GPR137B: variants seen among roughly 807,000 people sequenced by gnomAD.
GPR137B encodes G protein-coupled receptor 137B, also known as integral membrane protein GPR137B.
GPR137B carries 42 observed loss-of-function variants against 42.5 expected under a neutral mutation model. The ratio of observed to expected loss-of-function variants is 0.99; its 90% confidence interval spans 0.77 to 1.28. The LOEUF is 1.28. Among genes scored for constraint, GPR137B ranks in the 50% most tolerant of loss-of-function variants. The pLI is 0.00. For synonymous variants in GPR137B, 218 were observed against 209.7 expected, an observed-to-expected ratio of 1.04 and a Z score of -0.34; for missense variants, 487 against 493.9, an observed-to-expected ratio of 0.99 and a Z score of 0.13.
In GPR137B at chr1:236,186,341, A is replaced by AT. The variant is rs1558491555; in HGVS notation, c.966+2437dup. On this transcript the variant is annotated intron_variant, in intron 5 of 6. Coordinates refer to ENST00000366592, the MANE Select transcript of GPR137B (RefSeq NM_003272.4). ...ATATAAATAATATATAATTATATAT[A>AT]TTATATAATATATATTATTAAGTTC... 4.6e-4 allele frequency among the ~76,000 whole-genome samples: 51 copies of AT among 109,698 alleles called. 1 individual carries two copies. The highest frequency in any genetic ancestry group is 1.8e-3 in the African/African-American group (49 of 27,218). 72.0% of individuals were successfully genotyped at this position (109,698 alleles called of 152,430 possible). A position where few individuals can be genotyped will look rare whatever the true frequency, so the allele number is the denominator to read the frequency against.
chr1:236,143,674 C>T (rs546168815), intron 1 of GPR137B, among the ~76,000 whole-genome samples: 1 of 152,286 alleles, frequency 6.6e-6, no homozygotes, highest in Middle Eastern at 3.4e-3. Flanking sequence ...ACTGTCTGAG[C>T]TCATCTGAGA....
intron 2 of GPR137B, among the ~76,000 whole-genome samples, chr1:236,178,181 C>T (rs947967243): frequency 6.6e-6 from 1 of 152,150 alleles, no homozygotes; most frequent in African/African-American, 2.4e-5. Flanking sequence ...GCTCTCAGTC[C>T]TCACAACATC....
chr1:236,181,170 G>A (rs1235324524), intron 4 of GPR137B, among the ~76,000 whole-genome samples: 1 of 152,144 alleles, frequency 6.6e-6, no homozygotes, highest in Admixed American at 6.5e-5. Context: ...CATGGCACTA[G>A]TTGTTGCAAT....
At position 236,206,777 on chromosome 1, in the gene GPR137B, A is replaced by G. The variant is rs1485978761; in HGVS notation, c.1092-1273A>G. ...AGCCTGCTGTGCTCAGCCATACTCC[A>G]CTACCCGATGACTATCATGTTTCCC... On this transcript the variant is annotated intron_variant, in intron 6 of 6. Transcript: ENST00000366592. 4.6e-5 allele frequency among the ~76,000 whole-genome samples: 7 copies of G among 152,068 alleles called. No homozygotes were observed. In the East Asian group the frequency reaches 1.3e-3, roughly 29 times the overall value.
intron 1 of GPR137B, among the ~76,000 whole-genome samples, chr1:236,158,665 A>G (rs1662101145): frequency 1.3e-5 from 2 of 152,150 alleles, no homozygotes. Context: ...GTGCACTAAG[A>G]GTTTCAGTCC....
intron 1 of GPR137B, among the ~76,000 whole-genome samples, chr1:236,152,787 G>A (rs1661907317): frequency 1.3e-5 from 2 of 152,058 alleles, no homozygotes; most frequent in African/African-American, 4.8e-5. Context: ...GCTAGGTGCA[G>A]TGGATCACGT....
rs1055261717 is a variant in GPR137B, at chr1:236,155,398, A to AG, written c.414+12365dup. Among the ~76,000 whole-genome samples, 1 of 152,238 alleles carries AG rather than the reference A, an allele frequency of 6.6e-6. No homozygotes were observed. The highest frequency in any genetic ancestry group is 1.5e-5 in the Non-Finnish European group (1 of 68,040). On this transcript the variant is annotated intron_variant, in intron 1 of 6. Transcript: ENST00000366592. This position sits in a 1 kb window ranked among gnomAD's most constrained non-coding sequence, Gnocchi z 4.6. ...CAGGAACCAACAAAGTAGGTTCCTG[A>AG]GGGTTGACCAGCCTCACCCCTGAAT...
At chr1:236,165,479 A>G (rs1662324493) in intron 1 of GPR137B, among the ~76,000 whole-genome samples, 2 of 152,196 alleles carry the variant, frequency 1.3e-5, no homozygotes, top group African/African-American at 2.4e-5. Context: ...GGTGAACTCC[A>G]GGGCCCTCTT....
At position 236,150,317 on chromosome 1, in the gene GPR137B, G is replaced by C. The variant is rs1661822172; in HGVS notation, c.414+7281G>C. Among the ~76,000 whole-genome samples, 2 of 151,536 alleles carry C rather than the reference G, an allele frequency of 1.3e-5. No homozygotes were observed. Among genetic ancestry groups the C allele is most frequent in the South Asian group, 4.2e-4 (2 of 4,782 alleles). On this transcript the variant is annotated intron_variant, in intron 1 of 6. Coordinates refer to ENST00000366592, the MANE Select transcript of GPR137B (RefSeq NM_003272.4). This position sits in a 1 kb window ranked among gnomAD's most constrained non-coding sequence, Gnocchi z 6.2. ...CCTGTGTTTGTGTGTATGTGCCTGT[G>C]TGTGTGTCTGTGCATGTGTGTGCCT...
rs1661979310 is a variant in GPR137B, at chr1:236,155,055, G to A, written c.414+12019G>A. Among the ~76,000 whole-genome samples, 1 of 152,204 alleles carries A rather than the reference G, an allele frequency of 6.6e-6. No homozygotes were observed. Among genetic ancestry groups the A allele is most frequent in the Non-Finnish European group, 1.5e-5 (1 of 68,042 alleles). On this transcript the variant is annotated intron_variant, in intron 1 of 6. Transcript: ENST00000366592. The surrounding 1 kb of genome is among the most constrained non-coding windows in gnomAD (Gnocchi z 4.6). The stretch of plus-strand genomic sequence containing the variant: ...GGCCACAGCCCTTGTCATTCCCAAG[G>A]CCAAAGAGAGAGAATCCTGCCAGGG...
intron 1 of GPR137B, among the ~76,000 whole-genome samples, chr1:236,165,979 C>T (rs1662341925): frequency 2.0e-5 from 3 of 152,182 alleles, no homozygotes; most frequent in Non-Finnish European, 2.9e-5. Flanking sequence ...GCAATACAGC[C>T]ACTTCGTGTG....
intron 5 of GPR137B, among the ~76,000 whole-genome samples, chr1:236,192,752 G>A (rs915161285): frequency 2.6e-5 from 4 of 152,092 alleles, no homozygotes; most frequent in Non-Finnish European, 5.9e-5. Flanking sequence ...TGTCGATCTC[G>A]CTGGGAGCTG....
intron 5 of GPR137B, among the ~76,000 whole-genome samples, chr1:236,189,329 C>G (rs1351680250): frequency 3.3e-5 from 5 of 152,102 alleles, no homozygotes; most frequent in African/African-American, 1.2e-4. Flanking sequence ...TCCTTCAGCT[C>G]TGCTCTGATC....
At position 236,150,001 on chromosome 1, in the gene GPR137B, GC is replaced by G. The variant is rs1445445869; in HGVS notation, c.414+6967del. The stretch of plus-strand genomic sequence containing the variant: ...GTGTGTGTGGGGTTTGTGTATGTGT[GC>G]CTGTGTGTGTGCCTGTGTGTGTACC... On this transcript the variant is annotated intron_variant, in intron 1 of 6. Transcript: ENST00000366592. This position sits in a 1 kb window ranked among gnomAD's most constrained non-coding sequence, Gnocchi z 6.2. Among the ~76,000 whole-genome samples the G allele has an allele frequency of 1.3e-5, 2 of 151,074 alleles. No individual in the cohort carries two copies. Among genetic ancestry groups the G allele is most frequent in the Admixed American group, 6.6e-5 (1 of 15,176 alleles).
chr1:236,179,423 G>A (rs886950134), intron 3 of GPR137B, among the ~76,000 whole-genome samples: 15 of 152,058 alleles, frequency 9.9e-5, no homozygotes, highest in African/African-American at 3.4e-4. Context: ...CTGTATTCCC[G>A]GCCTCAAAGA....
At chr1:236,168,875 C>T (rs1662441118) in intron 2 of GPR137B, 120 bp downstream of exon 2, 1 of 778,128 alleles carries the variant, frequency 1.3e-6, no homozygotes, top group South Asian at 1.5e-5. Context: ...AACAGTCCTG[C>T]CTGCTGGCTG....
At position 236,186,202 on chromosome 1, in the gene GPR137B, A is replaced by G. The variant is rs866392176; in HGVS notation, c.966+2296A>G. 4.8e-3 allele frequency among the ~76,000 whole-genome samples: 300 copies of G among 62,468 alleles called. 7 individuals carry two copies. Among genetic ancestry groups the G allele is most frequent in the African/African-American group, 0.02 (272 of 13,840 alleles). The allele number at this position is 62,468 out of a possible 152,430, so 41.0% of individuals were successfully genotyped here. ...TTGATGGACATCATTTTTTTTTATT[A>G]TTATACTATATATTATATATAATAT... On this transcript the variant is annotated intron_variant, in intron 5 of 6. Transcript: ENST00000366592.
At chr1:236,173,400 AAGAG>A (rs957785690) in intron 2 of GPR137B, among the ~76,000 whole-genome samples, 16 of 102,676 alleles carry the variant, frequency 1.6e-4, no homozygotes, top group Non-Finnish European at 2.0e-4. Context: ...CAGGTAGGGA[AAGAG>A]AGAGAGAGAG....
intron 1 of GPR137B, among the ~76,000 whole-genome samples, chr1:236,146,269 AGGCACGATTTGC>A (rs1661679961): frequency 6.6e-6 from 1 of 152,180 alleles, no homozygotes; most frequent in Non-Finnish European, 1.5e-5. Context: ...AGCACAGTTA[AGGCACGATTTGC>A]GGCACTGAAG....
Sources: allele counts gnomAD v4.1 joint callset (sites outside exome capture counted in the v4.1 genomes callset), GRCh38; gene constraint gnomAD v4.1.1; non-coding constraint Gnocchi (gnomAD v3.1); transcripts MANE v1.5; gene names NCBI Gene and HGNC (gene_info 2026-07-23, HGNC 2026-07-21).